The following ZNF385D variants were observed in gnomAD, a reference collection of about 807,000 sequenced individuals.
The protein encoded by ZNF385D is zinc finger protein 659.
Under a neutral mutation model 35.8 loss-of-function variants are expected in ZNF385D, and 15 were observed. The observed-to-expected ratio is 0.42, with a 90% confidence interval of 0.28 to 0.64. The LOEUF is 0.64. ZNF385D is among the 30% of genes least tolerant of loss of function. The probability of loss-of-function intolerance (pLI) is 0.23; values close to 1 mark genes in which losing one functional copy is unlikely to be tolerated. For synonymous variants in ZNF385D, 212 were observed against 186.8 expected, an observed-to-expected ratio of 1.13 and a Z score of -1.10; for missense variants, 474 against 494.6, an observed-to-expected ratio of 0.96 and a Z score of 0.39.
chr3:22,273,378 GT>G (rs1190656048), intron 2 of ZNF385D, among the ~76,000 whole-genome samples: 1 of 151,984 alleles, frequency 6.6e-6, no homozygotes, highest in African/African-American at 2.4e-5. Context: ...TCCCAGGACA[GT>G]TGTTCTCAGT....
chr3:22,355,620 G>A (rs1455200229), intron 2 of ZNF385D, among the ~76,000 whole-genome samples: 1 of 151,734 alleles, frequency 6.6e-6, no homozygotes, highest in Non-Finnish European at 1.5e-5. Context: ...GAAGAAGCTG[G>A]CCAATGTTAG....
intron 3 of ZNF385D, among the ~76,000 whole-genome samples, chr3:22,060,293 C>A (rs1186104473): frequency 6.6e-6 from 1 of 152,106 alleles, no homozygotes; most frequent in Non-Finnish European, 1.5e-5. Context: ...TCTCTGTATA[C>A]CCTATTGGTT....
At chr3:22,146,169 C>G (rs1418581156) in intron 3 of ZNF385D, among the ~76,000 whole-genome samples, 1 of 152,146 alleles carries the variant, frequency 6.6e-6, no homozygotes, top group African/African-American at 2.4e-5. Flanking sequence ...AGGGAACCAT[C>G]TGGTCTACTA....
chr3:21,930,195 G>A (rs909836063), intron 3 of ZNF385D, among the ~76,000 whole-genome samples: 1 of 149,738 alleles, frequency 6.7e-6, no homozygotes, highest in African/African-American at 2.4e-5. Context: ...AGGGGTGAAA[G>A]AACAGTCTTT....
At chr3:22,203,991 T>G (rs1696978782) in intron 2 of ZNF385D, among the ~76,000 whole-genome samples, 1 of 152,002 alleles carries the variant, frequency 6.6e-6, no homozygotes. Flanking sequence ...TGAGCAAACA[T>G]AGGTGGTAGT....
chr3:22,118,740 C>G (rs918505070), intron 3 of ZNF385D, among the ~76,000 whole-genome samples: 1 of 152,044 alleles, frequency 6.6e-6, no homozygotes, highest in Non-Finnish European at 1.5e-5. Flanking sequence ...GACCTAGCAC[C>G]TCTTCTGTTA....
intron 2 of ZNF385D, among the ~76,000 whole-genome samples, chr3:21,634,117 A>G (rs547051215): frequency 6.6e-6 from 1 of 152,100 alleles, no homozygotes; most frequent in African/African-American, 2.4e-5. Context: ...GAATCACTTG[A>G]GTCCAGGAGG....
chr3:22,064,228 G>T (rs1699824266), intron 3 of ZNF385D, among the ~76,000 whole-genome samples: 1 of 152,142 alleles, frequency 6.6e-6, no homozygotes, highest in Non-Finnish European at 1.5e-5. Context: ...GGCAATACAG[G>T]GGTAATCCTC....
chr3:21,470,766 T>G (rs1421505184), intron 4 of ZNF385D, among the ~76,000 whole-genome samples: 1 of 152,088 alleles, frequency 6.6e-6, no homozygotes, highest in Non-Finnish European at 1.5e-5. Context: ...TACATATATT[T>G]TGAGTTTTGA....
chr3:21,457,705 C>T (rs1702909497), intron 4 of ZNF385D, among the ~76,000 whole-genome samples: 1 of 152,024 alleles, frequency 6.6e-6, no homozygotes, highest in African/African-American at 2.4e-5. Flanking sequence ...AACAGCCTTC[C>T]AGCTCTAAAC....
At chr3:21,738,980 T>G (rs1057058671) in intron 1 of ZNF385D, among the ~76,000 whole-genome samples, 5 of 152,176 alleles carry the variant, frequency 3.3e-5, no homozygotes, top group African/African-American at 1.2e-4. Flanking sequence ...GCTTCCCCAC[T>G]TACCAGTGAT....
intron 2 of ZNF385D, among the ~76,000 whole-genome samples, chr3:21,593,076 G>C (rs960153279): frequency 6.6e-6 from 1 of 152,100 alleles, no homozygotes; most frequent in Non-Finnish European, 1.5e-5. Context: ...AATAGCTTCA[G>C]GTCACCAAAT....
At chr3:22,281,073 G>A (rs993959286) in intron 2 of ZNF385D, among the ~76,000 whole-genome samples, 12 of 151,904 alleles carry the variant, frequency 7.9e-5, no homozygotes, top group South Asian at 2.1e-4. Context: ...ACTGATTTCT[G>A]TACATTCATT....
intron 3 of ZNF385D, among the ~76,000 whole-genome samples, chr3:21,781,020 G>C (rs1164218753): frequency 6.6e-6 from 1 of 151,982 alleles, no homozygotes; most frequent in Non-Finnish European, 1.5e-5. Flanking sequence ...AGTCAGTTTT[G>C]GATCCCCCAT....
chr3:21,516,401 A>T (rs1012124196), intron 3 of ZNF385D, among the ~76,000 whole-genome samples: 11 of 152,208 alleles, frequency 7.2e-5, no homozygotes, highest in African/African-American at 2.7e-4. Context: ...ATAGCAGACA[A>T]AGGAGAATTT....
At chr3:21,513,725 C>A (rs1039821099) in intron 3 of ZNF385D, among the ~76,000 whole-genome samples, 40 of 151,936 alleles carry the variant, frequency 2.6e-4, no homozygotes, top group African/African-American at 9.4e-4. Flanking sequence ...AGACAGATAA[C>A]CCTTCTAGAT....
chr3:21,950,526 C>A (rs1051468456), intron 3 of ZNF385D, among the ~76,000 whole-genome samples: 1 of 151,696 alleles, frequency 6.6e-6, no homozygotes, highest in Non-Finnish European at 1.5e-5. Context: ...ATGATAGTTT[C>A]TTTTGCTGTG....
intron 1 of ZNF385D, among the ~76,000 whole-genome samples, chr3:21,733,177 T>C (rs1027976698): frequency 6.6e-6 from 1 of 152,182 alleles, no homozygotes; most frequent in African/African-American, 2.4e-5. Flanking sequence ...TGCTCTTTTG[T>C]CAAAGACCAG....
intron 3 of ZNF385D, among the ~76,000 whole-genome samples, chr3:22,103,239 G>A (rs1006457248): frequency 2.0e-5 from 3 of 148,266 alleles, no homozygotes; most frequent in Admixed American, 2.0e-4. Context: ...ATACATGTCT[G>A]TCTTCCCTGA....
Sources: gnomAD v4.1 joint callset for allele counts (sites outside exome capture counted in the v4.1 genomes callset) on GRCh38, gnomAD v4.1.1 for gene constraint, MANE v1.5 for transcripts, NCBI Gene and HGNC (gene_info 2026-07-23, HGNC 2026-07-21) for gene names.